SPOCK1: variants seen among roughly 807,000 people sequenced by gnomAD.
SPOCK1 encodes the protein SPARC (osteonectin), cwcv and kazal like domains proteoglycan 1.
A neutral mutation model predicts 55.3 loss-of-function variants in SPOCK1; 23 were observed. The observed-to-expected ratio is 0.42, with a 90% CI of 0.30 to 0.59. SPOCK1 has a LOEUF of 0.59. Ranked by LOEUF, SPOCK1 falls within the 20% of genes least tolerant of loss-of-function variation. The pLI, the probability that SPOCK1 is intolerant of heterozygous loss-of-function variation, is 0.22. For synonymous variants in SPOCK1, 226 were observed against 221.0 expected, an observed-to-expected ratio of 1.02 and a Z score of -0.20; for missense variants, 499 against 552.5, an observed-to-expected ratio of 0.90 and a Z score of 0.97.
intron 2 of SPOCK1, among the ~76,000 whole-genome samples, chr5:137,490,431 A>G (rs1214091531): frequency 6.6e-6 from 1 of 152,150 alleles, no homozygotes; most frequent in African/African-American, 2.4e-5. Flanking sequence ...CAAAATCAAG[A>G]CCAAATTATG....
chr5:137,405,559 A>G (rs1752080528), intron 2 of SPOCK1, among the ~76,000 whole-genome samples: 1 of 152,206 alleles, frequency 6.6e-6, no homozygotes, highest in Admixed American at 6.5e-5. Context: ...AAGAACGGGC[A>G]GACAGATCCC....
At chr5:137,396,379 C>T (rs563666423) in intron 2 of SPOCK1, among the ~76,000 whole-genome samples, 127 of 152,328 alleles carry the variant, frequency 8.3e-4, no homozygotes, top group Non-Finnish European at 1.5e-3. Context: ...AAGTAATTTA[C>T]ATGAAGGTGT....
At chr5:137,185,751 G>T (rs929268235) in intron 3 of SPOCK1, among the ~76,000 whole-genome samples, 25 of 152,162 alleles carry the variant, frequency 1.6e-4, no homozygotes, top group Non-Finnish European at 2.4e-4. Flanking sequence ...AAACAGATGT[G>T]AGCCAGGCTG....
At chr5:137,429,492 A>C (rs566438429) in intron 2 of SPOCK1, among the ~76,000 whole-genome samples, 1 of 152,370 alleles carries the variant, frequency 6.6e-6, no homozygotes, top group Non-Finnish European at 1.5e-5. Flanking sequence ...TGTAAGCTCC[A>C]TGAAGGCAGA....
At chr5:137,420,601 T>A (rs755772399) in intron 2 of SPOCK1, among the ~76,000 whole-genome samples, 5 of 152,232 alleles carry the variant, frequency 3.3e-5, no homozygotes, top group Non-Finnish European at 5.9e-5. Context: ...GTTATAGTAT[T>A]CTCTGATGGT....
chr5:137,440,051 T>C (rs957607955), intron 2 of SPOCK1, among the ~76,000 whole-genome samples: 1 of 151,190 alleles, frequency 6.6e-6, no homozygotes, highest in Admixed American at 6.6e-5. Flanking sequence ...GAAAAGAAAG[T>C]AAAAAGCCTG....
intron 5 of SPOCK1, among the ~76,000 whole-genome samples, chr5:137,095,079 C>G (rs1308954371): frequency 6.6e-6 from 1 of 152,134 alleles, no homozygotes; most frequent in Non-Finnish European, 1.5e-5. Flanking sequence ...GTTAGTGGAG[C>G]AGTCAGAACA....
At position 137,498,353 on chromosome 5, in the gene SPOCK1, C is replaced by A; in HGVS notation, c.186+20G>T. Reference sequence around the variant, plus strand: ...CGAGAGGCTCCGCGCCCCCCAGGGCCGGGTGGCGCCGGTACTCACGTCTCG... The same window carrying A: ...CGAGAGGCTCCGCGCCCCCCAGGGCAGGGTGGCGCCGGTACTCACGTCTCG... On this transcript the variant is annotated intron_variant, in intron 2 of 10. Coordinates refer to ENST00000394945, the MANE Select transcript of SPOCK1 (RefSeq NM_004598.4). 6.4e-7 allele frequency: 1 copy of A among 1,565,052 alleles called. No homozygotes were observed.
chr5:137,031,949 TATTA>T (rs1174475313), intron 6 of SPOCK1, among the ~76,000 whole-genome samples: 1 of 150,266 alleles, frequency 6.7e-6, no homozygotes, highest in Non-Finnish European at 1.5e-5. Flanking sequence ...TGTGTGTGTA[TATTA>T]TATATATGCA....
intron 3 of SPOCK1, among the ~76,000 whole-genome samples, chr5:137,256,937 C>T (rs1756646358): frequency 6.6e-6 from 1 of 152,206 alleles, no homozygotes; most frequent in African/African-American, 2.4e-5. Flanking sequence ...AAGTTTCACA[C>T]ACAAAAACAA....
At chr5:137,135,984 C>T (rs2127048297) in intron 4 of SPOCK1, among the ~76,000 whole-genome samples, 1 of 152,316 alleles carries the variant, frequency 6.6e-6, no homozygotes, top group Non-Finnish European at 1.5e-5. Flanking sequence ...CATATGCTTT[C>T]ATTATATTTT....
chr5:137,137,409 T>G (rs972501203), intron 4 of SPOCK1, among the ~76,000 whole-genome samples: 30 of 152,194 alleles, frequency 2.0e-4, no homozygotes, highest in African/African-American at 7.2e-4. Context: ...TCTGGGAAGG[T>G]GTCCAAGACC....
intron 3 of SPOCK1, among the ~76,000 whole-genome samples, chr5:137,209,804 C>T (rs1055931552): frequency 6.6e-6 from 1 of 152,170 alleles, no homozygotes; most frequent in East Asian, 1.9e-4. Flanking sequence ...AAAAGAGGCA[C>T]ACAATATGCT....
intron 2 of SPOCK1, among the ~76,000 whole-genome samples, chr5:137,286,725 G>A (rs1353815623): frequency 6.6e-6 from 1 of 152,130 alleles, no homozygotes; most frequent in Non-Finnish European, 1.5e-5. Context: ...CCAGTGACAG[G>A]GACCCAGGTA....
intron 6 of SPOCK1, among the ~76,000 whole-genome samples, chr5:137,030,500 C>T (rs995498763): frequency 2.0e-5 from 3 of 152,202 alleles, no homozygotes; most frequent in Non-Finnish European, 4.4e-5. Flanking sequence ...TGTTCAACCT[C>T]ACAAGTAATC....
chr5:137,205,607 A>G (rs1755505283), intron 3 of SPOCK1, among the ~76,000 whole-genome samples: 1 of 152,214 alleles, frequency 6.6e-6, no homozygotes, highest in Admixed American at 6.5e-5. Context: ...GTGATTGCAG[A>G]TGTCCCTGTG....
chr5:137,057,397 C>G (rs1055888223), intron 6 of SPOCK1, among the ~76,000 whole-genome samples: 1 of 152,196 alleles, frequency 6.6e-6, no homozygotes, highest in African/African-American at 2.4e-5. Context: ...ACATCTATCA[C>G]TATACATTCA....
intron 2 of SPOCK1, among the ~76,000 whole-genome samples, chr5:137,453,156 G>A (rs970389301): frequency 7.2e-5 from 11 of 152,100 alleles, no homozygotes; most frequent in African/African-American, 1.7e-4. Context: ...AATAAGGCAC[G>A]CTTCTGAAAT....
intron 5 of SPOCK1, among the ~76,000 whole-genome samples, chr5:137,098,273 G>A (rs550805575): frequency 1.3e-5 from 2 of 152,176 alleles, no homozygotes; most frequent in Non-Finnish European, 2.9e-5. Flanking sequence ...TCTTAACTCG[G>A]ACACTGCTGC....
Sources: gnomAD v4.1 joint callset for allele counts (sites outside exome capture counted in the v4.1 genomes callset) on GRCh38, gnomAD v4.1.1 for gene constraint, MANE v1.5 for transcripts, NCBI Gene and HGNC (gene_info 2026-07-23, HGNC 2026-07-21) for gene names.